KCNIP4: variants seen among roughly 807,000 people sequenced by gnomAD.
KCNIP4 encodes Kv channel-interacting protein 4.
A neutral mutation model predicts 34.0 loss-of-function variants in KCNIP4; 12 were observed. The ratio of observed to expected loss-of-function variants is 0.35; its 90% CI spans 0.23 to 0.57. The LOEUF (loss-of-function observed/expected upper bound fraction) is 0.57. Among genes scored for constraint, KCNIP4 ranks in the 20% least tolerant of loss-of-function variants. KCNIP4 has a pLI of 0.83. For synonymous variants in KCNIP4, 124 were observed against 102.2 expected (o/e 1.21, Z -1.29); for missense variants, 238 against 311.7 (o/e 0.76, Z 1.78).
intron 1 of KCNIP4, among the ~76,000 whole-genome samples, chr4:21,477,537 C>T (rs532015943): frequency 9.2e-5 from 14 of 152,212 alleles, no homozygotes; most frequent in Non-Finnish European, 1.3e-4. Flanking sequence ...TACTGATAAG[C>T]GTATCATGGG....
intron 1 of KCNIP4, among the ~76,000 whole-genome samples, chr4:21,019,875 C>T (rs1244771626): frequency 6.6e-6 from 1 of 152,082 alleles, no homozygotes; most frequent in Non-Finnish European, 1.5e-5. Flanking sequence ...AAGAAGTATA[C>T]AGTGTCTGAT....
intron 3 of KCNIP4, among the ~76,000 whole-genome samples, chr4:20,845,559 T>C (rs1720267554): frequency 6.6e-6 from 1 of 152,208 alleles, no homozygotes; most frequent in Non-Finnish European, 1.5e-5. Flanking sequence ...GACAGTCTTG[T>C]TGCTCACACT....
rs73101752 is a variant in KCNIP4 at position 21,058,675 on chromosome 4, A to G, written c.62-175966T>C. 1.1e-3 allele frequency among the ~76,000 whole-genome samples: 173 copies of G among 152,278 alleles called. 2 individuals are homozygous for G. The highest frequency in any genetic ancestry group is 4.0e-3 in the African/African-American group (166 of 41,568). On this transcript the variant is annotated intron_variant, in intron 1 of 8. Coordinates refer to ENST00000382152, the MANE Select transcript of KCNIP4 (RefSeq NM_025221.6). ...TAAGGTTTCTATTATAATTAAAAACATATAAGGAATTTTAACCATTCTTTG... is the reference window on the plus strand; with the variant it reads ...TAAGGTTTCTATTATAATTAAAAACGTATAAGGAATTTTAACCATTCTTTG...
At chr4:20,934,661 C>T (rs1459150196) in intron 1 of KCNIP4, among the ~76,000 whole-genome samples, 1 of 152,170 alleles carries the variant, frequency 6.6e-6, no homozygotes, top group Non-Finnish European at 1.5e-5. Context: ...AAATTTCTAT[C>T]ATCATGGAGC....
intron 1 of KCNIP4, among the ~76,000 whole-genome samples, chr4:21,138,594 C>A (rs1751697504): frequency 6.6e-6 from 1 of 151,918 alleles, no homozygotes; most frequent in African/African-American, 2.4e-5. Flanking sequence ...ATTATGGCCT[C>A]ATGATGTCCA....
At chr4:21,486,037 A>C (rs2109847308) in intron 1 of KCNIP4, among the ~76,000 whole-genome samples, 1 of 152,310 alleles carries the variant, frequency 6.6e-6, no homozygotes, top group East Asian at 1.9e-4. Flanking sequence ...GAATTTTAGA[A>C]AAATCAACCT....
intron 1 of KCNIP4, among the ~76,000 whole-genome samples, chr4:21,202,868 T>C (rs961576782): frequency 2.0e-5 from 3 of 152,162 alleles, no homozygotes; most frequent in African/African-American, 7.2e-5. Flanking sequence ...GGCCCACGCC[T>C]CACATTTGTT....
At chr4:21,252,017 T>C (rs1318303588) in intron 1 of KCNIP4, among the ~76,000 whole-genome samples, 3 of 150,626 alleles carry the variant, frequency 2.0e-5, no homozygotes, top group African/African-American at 7.3e-5. Context: ...ATAATAATAA[T>C]AATAATAAAA....
rs1243631695 is a variant in KCNIP4 at position 21,524,764 on chromosome 4, A to G, written c.61+423807T>C. Among the ~76,000 whole-genome samples the G allele has an allele frequency of 2.6e-5, 4 of 152,212 alleles. No individual in the cohort carries two copies. The East Asian group carries it at 7.8e-4, about 30-fold the overall frequency. On this transcript the variant is annotated intron_variant, in intron 1 of 8. Transcript: ENST00000382152. ...ATCAGATTGTAAGGGCCATGAAAGC[A>G]AAGAGTGCTGTCTGTTTGCTTGACT...
intron 1 of KCNIP4, among the ~76,000 whole-genome samples, chr4:21,182,672 A>T (rs1477646024): frequency 2.0e-5 from 3 of 151,916 alleles, no homozygotes; most frequent in South Asian, 4.2e-4. Context: ...TCCATTCTCC[A>T]TGTCCGTGTG....
rs572247804 is a variant in KCNIP4 at position 21,434,418 on chromosome 4, C to CT, written c.61+514152dup. On this transcript the variant is annotated intron_variant, in intron 1 of 8. Transcript: ENST00000382152. Reference sequence around the variant, plus strand: ...TAATAGTAAGGTTTTAGAATTTGAACTTTTTTTCTACCTGGGAAACTGCCT... The same window carrying CT: ...TAATAGTAAGGTTTTAGAATTTGAACTTTTTTTTCTACCTGGGAAACTGCCT... Among the ~76,000 whole-genome samples, 15 of 152,200 alleles carry CT rather than the reference C, an allele frequency of 9.9e-5. No individual in the cohort carries two copies. In the South Asian group the frequency reaches 3.1e-3, roughly 32 times the overall value.
intron 1 of KCNIP4, among the ~76,000 whole-genome samples, chr4:21,138,841 A>C (rs970537530): frequency 6.6e-6 from 1 of 152,158 alleles, no homozygotes; most frequent in African/African-American, 2.4e-5. Context: ...AGGAGTCATG[A>C]GGCAGGAGTG....
chr4:21,354,835 C>G (rs1045613314), intron 1 of KCNIP4, among the ~76,000 whole-genome samples: 1 of 152,190 alleles, frequency 6.6e-6, no homozygotes, highest in Non-Finnish European at 1.5e-5. Flanking sequence ...CTGAAATCAA[C>G]AGAATATACA....
At chr4:21,452,869 G>GAA (rs5856636) in intron 1 of KCNIP4, among the ~76,000 whole-genome samples, 1 of 151,260 alleles carries the variant, frequency 6.6e-6, no homozygotes, top group African/African-American at 2.4e-5. Flanking sequence ...TCAGGGTAAA[G>GAA]GCTGTATGCC....
chr4:21,103,995 T>A (rs193003539), intron 1 of KCNIP4, among the ~76,000 whole-genome samples: 3 of 151,954 alleles, frequency 2.0e-5, no homozygotes, highest in Non-Finnish European at 4.4e-5. Flanking sequence ...TGTTGGACAT[T>A]TGGGTTGGTT....
intron 1 of KCNIP4, among the ~76,000 whole-genome samples, chr4:21,418,332 A>G (rs1244107777): frequency 6.6e-6 from 1 of 152,088 alleles, no homozygotes; most frequent in Non-Finnish European, 1.5e-5. Context: ...TTGTACCATT[A>G]AAAAAGGAAC....
At chr4:21,548,730 G>C (rs764993674) in intron 1 of KCNIP4, among the ~76,000 whole-genome samples, 2 of 152,058 alleles carry the variant, frequency 1.3e-5, no homozygotes, top group Admixed American at 6.6e-5. Flanking sequence ...TGGGGAAGGT[G>C]ATATGAATGC....
At chr4:21,389,141 A>G (rs1298310373) in intron 1 of KCNIP4, among the ~76,000 whole-genome samples, 1 of 151,878 alleles carries the variant, frequency 6.6e-6, no homozygotes, top group African/African-American at 2.4e-5. Flanking sequence ...GTGTGCCACC[A>G]TACCTAACTA....
intron 1 of KCNIP4, among the ~76,000 whole-genome samples, chr4:21,841,420 A>G (rs569204597): frequency 2.6e-5 from 4 of 152,310 alleles, no homozygotes; most frequent in African/African-American, 9.6e-5. Context: ...ATTTTATAAG[A>G]ATTTATCATG....
Sources: gnomAD v4.1 joint callset for allele counts (sites outside exome capture counted in the v4.1 genomes callset) on GRCh38, gnomAD v4.1.1 for gene constraint, MANE v1.5 for transcripts, NCBI Gene and HGNC (gene_info 2026-07-23, HGNC 2026-07-21) for gene names.